The following CTTNBP2 variants were observed in gnomAD, a reference collection of about 807,000 sequenced individuals.
CTTNBP2 encodes cortactin binding protein 2.
A neutral mutation model predicts 156.9 loss-of-function variants in CTTNBP2; 108 were observed. That is an observed-to-expected ratio of 0.69 (90% CI 0.59 to 0.81). CTTNBP2 has a LOEUF of 0.81. CTTNBP2 is among the 30% of genes least tolerant of loss of function. The pLI is 0.00. For synonymous variants in CTTNBP2, 767 were observed against 751.8 expected (o/e 1.02, Z -0.33); for missense variants, 1,924 against 2,035.4 (o/e 0.95, Z 1.05).
intron 14 of CTTNBP2, among the ~76,000 whole-genome samples, chr7:117,738,973 T>C (rs986790922): frequency 1.3e-5 from 2 of 152,088 alleles, no homozygotes; most frequent in African/African-American, 2.4e-5. Context: ...TACATAACCA[T>C]TGGGTTATCT....
At chr7:117,780,366 G>T in intron 7 of CTTNBP2, 75 bp downstream of exon 7, 2 of 989,876 alleles carry the variant, frequency 2.0e-6, no homozygotes, top group Non-Finnish European at 2.8e-6. Context: ...AATTTATTTT[G>T]TTTTTCTAGT....
At chr7:117,711,806 A>C in intron 22 of CTTNBP2, 24 bp from the exon 23 acceptor site, 1 of 1,593,982 alleles carries the variant, frequency 6.3e-7, no homozygotes, top group Non-Finnish European at 8.6e-7. Flanking sequence ...GAAACCACAC[A>C]AGTTTATCAC....
chr7:117,725,065 G>C lies in CTTNBP2; in HGVS notation c.4248C>G (p.Pro1416=). The C allele has an allele frequency of 6.2e-7, 1 of 1,612,388 alleles. No individual in the cohort carries two copies. The highest frequency in any genetic ancestry group is 8.5e-7 in the Non-Finnish European group (1 of 1,179,974). The change falls in exon 18 of 23, where the codon CCC becomes CCG. Residue 1416 remains proline, a synonymous_variant. Transcript: ENST00000160373. ...LLNKAVLHGC[P]LPRAELDQHT... ...AAACCCACATACCTGCTCTGGGGAG[G>C]GGACAGCCATGCAGTACAGCTTTAT...
chr7:117,864,850 CATATAT>C (rs1168241943), intron 1 of CTTNBP2, among the ~76,000 whole-genome samples: 2 of 132,196 alleles, frequency 1.5e-5, no homozygotes, highest in Non-Finnish European at 3.2e-5. Context: ...ATTCTATATT[CATATAT>C]ATTCATTCAA....
At chr7:117,864,040 C>T (rs1715120536) in intron 1 of CTTNBP2, among the ~76,000 whole-genome samples, 1 of 152,086 alleles carries the variant, frequency 6.6e-6, no homozygotes, top group South Asian at 2.1e-4. Context: ...CAAAGTGCTC[C>T]ATTTTAAAAA....
chr7:117,741,295 A>G (rs886197117), intron 14 of CTTNBP2, among the ~76,000 whole-genome samples: 2 of 152,194 alleles, frequency 1.3e-5, no homozygotes, highest in Non-Finnish European at 2.9e-5. Context: ...GCAGACAGGA[A>G]GTGATTATGC....
At chr7:117,768,532 T>TA (rs1481163972) in intron 8 of CTTNBP2, among the ~76,000 whole-genome samples, 1 of 134,500 alleles carries the variant, frequency 7.4e-6, no homozygotes, top group Non-Finnish European at 1.5e-5. Context: ...TGCCACTGCA[T>TA]TCCAGCCTGG....
intron 3 of CTTNBP2, among the ~76,000 whole-genome samples, chr7:117,801,320 G>T (rs750673742): frequency 1.3e-5 from 2 of 152,156 alleles, no homozygotes; most frequent in Non-Finnish European, 2.9e-5. Flanking sequence ...ACATGCAAAA[G>T]CTGAATAAAA....
chr7:117,804,995 C>A (rs139824868), intron 3 of CTTNBP2, among the ~76,000 whole-genome samples: 1 of 152,148 alleles, frequency 6.6e-6, no homozygotes, highest in African/African-American at 2.4e-5. Context: ...TTTCTGTGGT[C>A]TCTCTTCTTG....
At chr7:117,747,135 C>T (rs1562969699) in intron 12 of CTTNBP2, among the ~76,000 whole-genome samples, 1 of 152,166 alleles carries the variant, frequency 6.6e-6, no homozygotes, top group East Asian at 1.9e-4. Flanking sequence ...GGTGAGGGTC[C>T]AACCTAACTG....
chr7:117,873,248 G>A (rs1484418882), intron 1 of CTTNBP2, 87 bp downstream of exon 1: 10 of 1,044,360 alleles, frequency 9.6e-6, no homozygotes, highest in South Asian at 8.1e-5. Context: ...CGCCCCGGGG[G>A]TGCGAAGTCG....
chr7:117,751,437 GCTACAAATTTCATTCCACCCATAT>G (rs1490576072), intron 12 of CTTNBP2, among the ~76,000 whole-genome samples: 1 of 152,188 alleles, frequency 6.6e-6, no homozygotes, highest in African/African-American at 2.4e-5. Context: ...ATGTTTTATA[GCTACAAATTTCATTCCACCCATAT>G]CTGACACCTG....
At chr7:117,741,963 T>G (rs373834890) in intron 14 of CTTNBP2, among the ~76,000 whole-genome samples, 2 of 152,314 alleles carry the variant, frequency 1.3e-5, no homozygotes, top group East Asian at 3.9e-4. Flanking sequence ...TAAGTTAAAG[T>G]GCTAGCCTTC....
chr7:117,855,040 T>C (rs1359430496), intron 2 of CTTNBP2, among the ~76,000 whole-genome samples: 1 of 150,700 alleles, frequency 6.6e-6, no homozygotes, highest in Non-Finnish European at 1.5e-5. Context: ...CTGCTTCAGC[T>C]CCCCAAAGTG....
intron 9 of CTTNBP2, among the ~76,000 whole-genome samples, chr7:117,766,147 T>A (rs1392875472): frequency 6.6e-6 from 1 of 152,198 alleles, no homozygotes; most frequent in African/African-American, 2.4e-5. Context: ...TAGGTTAGCA[T>A]CAGCTTGTAA....
At chr7:117,716,471 T>A (rs754324443) in intron 22 of CTTNBP2, among the ~76,000 whole-genome samples, 2 of 152,260 alleles carry the variant, frequency 1.3e-5, no homozygotes, top group African/African-American at 4.8e-5. Flanking sequence ...TCTTGGGTCC[T>A]AGAGACTGGC....
rs771964286 is a variant in CTTNBP2 at position 117,791,268 on chromosome 7, G to T, written c.1928C>A (p.Thr643Asn). 9 of 1,614,182 alleles carry T rather than the reference G, an allele frequency of 5.6e-6. No homozygotes were observed. Among genetic ancestry groups the T allele is most frequent in the East Asian group, 2.2e-5 (1 of 44,870 alleles). ...ACATGCAGGTTGGTTCAGTCCGGGG[G>T]TTGCAGCAGGCCAGGCACCCACCTG... Reference protein sequence around the residue: ...TSQVGAWPAATPGLNQPACSD... With the variant: ...TSQVGAWPAANPGLNQPACSD... Residue 643 changes from threonine (T) to asparagine (N), a missense_variant, in exon 4 of 23, where the codon ACC becomes AAC. By Grantham distance (65) the Thr-to-Asn change is moderately conservative. Transcript: ENST00000160373.
intron 8 of CTTNBP2, among the ~76,000 whole-genome samples, chr7:117,772,544 A>T (rs1031169764): frequency 2.0e-5 from 3 of 152,144 alleles, no homozygotes; most frequent in African/African-American, 7.2e-5. Context: ...TTACCCTATA[A>T]CTGTTTAAAC....
At chr7:117,817,663 C>T (rs1420351267) in intron 2 of CTTNBP2, among the ~76,000 whole-genome samples, 10 of 151,632 alleles carry the variant, frequency 6.6e-5, no homozygotes, top group Non-Finnish European at 1.5e-5. Flanking sequence ...TAAAACACTA[C>T]CAATTTCAAA....
Sources: allele counts gnomAD v4.1 joint callset (sites outside exome capture counted in the v4.1 genomes callset), GRCh38; gene constraint gnomAD v4.1.1; transcripts MANE v1.5; gene names NCBI Gene and HGNC (gene_info 2026-07-23, HGNC 2026-07-21).